Variants in SLIT3 observed in about 807,000 individuals in gnomAD.
SLIT3 encodes the protein slit guidance ligand 3, also known as slit homolog 3 protein.
Under a neutral mutation model 184.0 loss-of-function variants are expected in SLIT3, and 68 were observed. That is an observed-to-expected ratio of 0.37 (90% confidence interval 0.30 to 0.45). The LOEUF is 0.45. Ranked by LOEUF, SLIT3 falls within the 20% of genes least tolerant of loss-of-function variation. The pLI is 1.00. For synonymous variants in SLIT3, 831 were observed against 828.6 expected (o/e 1.00, Z -0.05); for missense variants, 1,707 against 2,026.0 (o/e 0.84, Z 3.02).
intron 20 of SLIT3, among the ~76,000 whole-genome samples, chr5:168,746,324 G>A (rs1358012645): frequency 7.5e-6 from 1 of 132,504 alleles, no homozygotes; most frequent in Non-Finnish European, 1.7e-5. Context: ...GTGGTGGTAT[G>A]TGGTGTGTGA....
chr5:168,973,355 C>G (rs1018508764), intron 4 of SLIT3, among the ~76,000 whole-genome samples: 1 of 152,170 alleles, frequency 6.6e-6, no homozygotes, highest in Non-Finnish European at 1.5e-5. Flanking sequence ...TCAAGCGATT[C>G]TCCTACCTCA....
Position 169,132,714 on chromosome 5 carries a change from A to G in SLIT3, c.413+60765T>C, listed in dbSNP as rs186463881. ...ATTCTATTTTCCTGAGATGCACTAAATTTCTTGGCTAACCCCAAGTATACA... is the reference window on the plus strand; with the variant it reads ...ATTCTATTTTCCTGAGATGCACTAAGTTTCTTGGCTAACCCCAAGTATACA... On this transcript the variant is annotated intron_variant, in intron 4 of 35. Coordinates refer to ENST00000519560, the MANE Select transcript of SLIT3 (RefSeq NM_003062.4). 1.1e-4 allele frequency among the ~76,000 whole-genome samples: 16 copies of G among 152,314 alleles called. No homozygotes were observed. The East Asian group carries it at 2.1e-3, about 20-fold the overall frequency.
At chr5:168,803,397 G>A (rs936153097) in intron 9 of SLIT3, among the ~76,000 whole-genome samples, 1 of 152,222 alleles carries the variant, frequency 6.6e-6, no homozygotes, top group African/African-American at 2.4e-5. Flanking sequence ...GTAATAGACA[G>A]GCTTTTGGCA....
At chr5:168,716,045 G>A (rs1762716639) in intron 23 of SLIT3, among the ~76,000 whole-genome samples, 1 of 151,918 alleles carries the variant, frequency 6.6e-6, no homozygotes, top group Non-Finnish European at 1.5e-5. Flanking sequence ...TTGGCTCACT[G>A]TAACCTCGAC....
chr5:169,220,174 C>T (rs1399988275), intron 3 of SLIT3, among the ~76,000 whole-genome samples: 2 of 152,116 alleles, frequency 1.3e-5, no homozygotes, highest in African/African-American at 4.8e-5. Context: ...CCTTGGTACC[C>T]CACATTGCTC....
In SLIT3 at chr5:169,229,642, T is replaced by TTCTCTCTC. The variant is rs60056409; in HGVS notation, c.341+15055_341+15062dup. Among the ~76,000 whole-genome samples, 490 of 148,288 alleles carry TTCTCTCTC rather than the reference T, an allele frequency of 3.3e-3. 1 individual carries two copies. The highest frequency in any genetic ancestry group is 9.2e-3 in the African/African-American group (373 of 40,432). ...AAAGCGTACTTAGTCAAATAAATTC[T>TTCTCTCTC]TCTCTCTCTCTCTCTCTCTCTCTCT... On this transcript the variant is annotated intron_variant, in intron 3 of 35. Coordinates refer to ENST00000519560, the MANE Select transcript of SLIT3 (RefSeq NM_003062.4).
chr5:168,728,458 C>T (rs933632410), intron 20 of SLIT3, among the ~76,000 whole-genome samples: 6 of 151,828 alleles, frequency 4.0e-5, no homozygotes, highest in Non-Finnish European at 5.9e-5. Context: ...AGCAACAGAT[C>T]CCAATCAAAA....
chr5:168,683,856 G>T, intron 32 of SLIT3, 110 bp downstream of exon 32: 1 of 1,029,860 alleles, frequency 9.7e-7, no homozygotes, highest in Non-Finnish European at 1.3e-6. Context: ...TGGTAGGGGC[G>T]GGGAGAAGGG....
chr5:169,258,252 A>AT lies in SLIT3; in HGVS notation c.198-6794dup, dbSNP rs550780925. Among the ~76,000 whole-genome samples the AT allele has an allele frequency of 3.1e-3, 470 of 152,178 alleles. 7 individuals carry two copies. The highest frequency in any genetic ancestry group is 0.01 in the African/African-American group (434 of 41,512). On this transcript the variant is annotated intron_variant, in intron 1 of 35. Transcript: ENST00000519560. Reference sequence around the variant, plus strand: ...CCTACTGCTCATTTACCATTAGAGCATTTTTTTTATACTGCATCAGGTTAT... The same window carrying AT: ...CCTACTGCTCATTTACCATTAGAGCATTTTTTTTTATACTGCATCAGGTTAT...
At chr5:168,819,095 C>T (rs1271947081) in intron 7 of SLIT3, among the ~76,000 whole-genome samples, 1 of 152,208 alleles carries the variant, frequency 6.6e-6, no homozygotes, top group Admixed American at 6.5e-5. Flanking sequence ...GGGTCCCACG[C>T]AGTTCTCCCC....
chr5:168,691,884 G>C (rs1022970921), intron 29 of SLIT3, among the ~76,000 whole-genome samples: 2 of 152,192 alleles, frequency 1.3e-5, no homozygotes, highest in African/African-American at 2.4e-5. Context: ...AGAGGCAGTG[G>C]CAAAAGCTTT....
intron 4 of SLIT3, among the ~76,000 whole-genome samples, chr5:169,045,426 AG>A (rs958124110): frequency 4.0e-4 from 57 of 140,780 alleles, no homozygotes; most frequent in African/African-American, 1.6e-3. Flanking sequence ...TAGTCCATGC[AG>A]GAAAAAAAAA....
At position 168,697,224 on chromosome 5, in the gene SLIT3, G is replaced by A. The variant is rs544548074; in HGVS notation, c.2943-793C>T. Among the ~76,000 whole-genome samples the A allele has an allele frequency of 1.6e-3, 243 of 152,222 alleles. 2 individuals are homozygous for A. The highest frequency in any genetic ancestry group is 5.5e-3 in the African/African-American group (230 of 41,528). The stretch of plus-strand genomic sequence containing the variant: ...GAAGGCTAGAGTGGGAGGATCCCTC[G>A]CCTGCCAAGAGTGAGGCCTTCGGGT... On this transcript the variant is annotated intron_variant, in intron 27 of 35. Coordinates refer to ENST00000519560, the MANE Select transcript of SLIT3 (RefSeq NM_003062.4).
intron 3 of SLIT3, among the ~76,000 whole-genome samples, chr5:169,237,413 C>T (rs927903604): frequency 3.3e-5 from 5 of 152,170 alleles, no homozygotes; most frequent in Non-Finnish European, 5.9e-5. Flanking sequence ...GTTCCCTCTT[C>T]TGCTCTGAAT....
chr5:168,985,689 T>C (rs2113369585), intron 4 of SLIT3, among the ~76,000 whole-genome samples: 1 of 152,310 alleles, frequency 6.6e-6, no homozygotes, highest in Middle Eastern at 3.4e-3. Context: ...GCAGATGTGC[T>C]CACAGGAATG....
At chr5:169,232,363 T>G (rs1356447642) in intron 3 of SLIT3, among the ~76,000 whole-genome samples, 4 of 152,126 alleles carry the variant, frequency 2.6e-5, no homozygotes, top group Non-Finnish European at 5.9e-5. Flanking sequence ...TAGCTGGGAT[T>G]ACAGGCACAT....
intron 20 of SLIT3, among the ~76,000 whole-genome samples, chr5:168,729,578 C>G (rs1370816068): frequency 6.6e-6 from 1 of 151,874 alleles, no homozygotes; most frequent in East Asian, 1.9e-4. Context: ...AAAGTCCTTC[C>G]CTGACAAGCA....
intron 4 of SLIT3, among the ~76,000 whole-genome samples, chr5:169,001,195 C>A (rs757936306): frequency 6.6e-6 from 1 of 152,198 alleles, no homozygotes; most frequent in African/African-American, 2.4e-5. Context: ...TCAGCCAACC[C>A]TTTCAGCCCT....
chr5:169,192,730 A>G (rs1217715397), intron 4 of SLIT3, among the ~76,000 whole-genome samples: 1 of 152,196 alleles, frequency 6.6e-6, no homozygotes, highest in Non-Finnish European at 1.5e-5. Flanking sequence ...GGTGTACCTT[A>G]GGCAATTCAG....
Sources: gnomAD v4.1 joint callset for allele counts (sites outside exome capture counted in the v4.1 genomes callset) on GRCh38, gnomAD v4.1.1 for gene constraint, MANE v1.5 for transcripts, NCBI Gene and HGNC (gene_info 2026-07-23, HGNC 2026-07-21) for gene names.